GCSH: variants seen among roughly 807,000 people sequenced by gnomAD.
GCSH encodes glycine cleavage system protein H, also known as glycine cleavage system H protein, mitochondrial.
GCSH carries 15 observed loss-of-function variants against 21.3 expected under a neutral mutation model. That is an observed-to-expected ratio of 0.70 (90% CI 0.47 to 1.08). GCSH has a LOEUF of 1.08. Among genes scored for constraint, GCSH ranks in the 50% least tolerant of loss-of-function variants. GCSH has a pLI of 0.00. For synonymous variants in GCSH, 59 were observed against 84.5 expected, an observed-to-expected ratio of 0.70 and a Z score of 1.66; for missense variants, 179 against 217.5, an observed-to-expected ratio of 0.82 and a Z score of 1.11.
chr16:81,092,795 T>C (rs1303001100), intron 1 of GCSH, among the ~76,000 whole-genome samples: 1 of 151,326 alleles, frequency 6.6e-6, no homozygotes, highest in African/African-American at 2.4e-5. Context: ...GCCTGTAATC[T>C]CAACACTTTG....
At chr16:81,095,850 G>T (rs959903697) in intron 1 of GCSH, among the ~76,000 whole-genome samples, 28 of 151,666 alleles carry the variant, frequency 1.8e-4, no homozygotes, top group Non-Finnish European at 3.5e-4. Flanking sequence ...CTGCCCGCCG[G>T]ACCCGCCGGG....
chr16:81,086,412 C>G (rs1475115449), intron 3 of GCSH, among the ~76,000 whole-genome samples: 4 of 151,868 alleles, frequency 2.6e-5, no homozygotes, highest in African/African-American at 7.3e-5. Context: ...AAAAAATTAG[C>G]CTGGTGTGGT....
chr16:81,089,160 T>C (rs1972342816), intron 2 of GCSH, among the ~76,000 whole-genome samples: 1 of 152,228 alleles, frequency 6.6e-6, no homozygotes, highest in East Asian at 1.9e-4. Context: ...AGACCACATA[T>C]ATGACAGTGG....
chr16:81,094,986 G>A (rs35209121), intron 1 of GCSH, among the ~76,000 whole-genome samples: 6,542 of 151,918 alleles, frequency 0.043, 172 homozygotes, highest in Admixed American at 0.062. Context: ...CCAGCTACTC[G>A]GGAGGCTGAG....
At chr16:81,084,076 T>TTCA in intron 4 of GCSH, 1 of 313,314 alleles carries the variant, frequency 3.2e-6, no homozygotes, top group Non-Finnish European at 5.9e-6. Flanking sequence ...ACCTCCCAGG[T>TTCA]TCAAGCAATT....
At chr16:81,085,825 A>G (rs1031532345) in intron 3 of GCSH, among the ~76,000 whole-genome samples, 9 of 152,162 alleles carry the variant, frequency 5.9e-5, no homozygotes, top group African/African-American at 2.2e-4. Context: ...ATGCCATTGC[A>G]GTCCAGCCTT....
intron 2 of GCSH, among the ~76,000 whole-genome samples, chr16:81,087,991 T>C (rs1048614467): frequency 6.6e-6 from 1 of 152,126 alleles, no homozygotes; most frequent in African/African-American, 2.4e-5. Flanking sequence ...CTGGGTGTGG[T>C]GGCAGGCACT....
intron 1 of GCSH, among the ~76,000 whole-genome samples, chr16:81,093,016 T>C (rs1207966679): frequency 1.3e-5 from 2 of 151,388 alleles, no homozygotes; most frequent in African/African-American, 4.9e-5. Flanking sequence ...CCTATAATCC[T>C]AGCTACTTGG....
At position 81,082,350 on chromosome 16, in the gene GCSH, G is replaced by A. The variant is rs1362665881; in HGVS notation, c.*516C>T. 2 of 432,786 alleles carry A rather than the reference G, an allele frequency of 4.6e-6. No individual in the cohort carries two copies. Among genetic ancestry groups the A allele is most frequent in the Non-Finnish European group, 9.2e-6 (2 of 217,632 alleles). The allele number at this position is 432,786 out of a possible 1,614,324, so 26.8% of individuals were successfully genotyped here. On this transcript the variant is annotated 3_prime_UTR_variant, in exon 5 of 5. Coordinates refer to ENST00000315467, the MANE Select transcript of GCSH (RefSeq NM_004483.5). ...TAACGAAGAAGTATTTTATTATTTT[G>A]CTGCAAAGCTGTTGCTTCACTGTAT...
At chr16:81,096,389 AGGCGGTGCCGCGGG>A in exon 1 of GCSH, 1 of 875,522 alleles carries the variant, frequency 1.1e-6, no homozygotes, top group Non-Finnish European at 1.6e-6. Context: ...GGAGGCGCGG[AGGCGGTGCCGCGGG>A]GGCGGGACAG....
chr16:81,090,832 G>T, intron 1 of GCSH, 152 bp from the exon 2 acceptor site: 1 of 701,730 alleles, frequency 1.4e-6, no homozygotes, highest in Non-Finnish European at 2.6e-6. Context: ...AAAGAATGAA[G>T]ATCATGTATA....
intron 1 of GCSH, among the ~76,000 whole-genome samples, chr16:81,095,237 C>G (rs906989578): frequency 2.6e-5 from 4 of 152,150 alleles, no homozygotes; most frequent in Non-Finnish European, 5.9e-5. Context: ...AGCAAGCACA[C>G]ACATGAATGA....
rs1972310500 is a variant in GCSH, at chr16:81,087,658, A to G, written c.235T>C (p.Leu79=). The G allele has an allele frequency of 3.1e-6, 5 of 1,611,050 alleles. No individual in the cohort carries two copies. The highest frequency in any genetic ancestry group is 2.7e-5 in the African/African-American group (2 of 74,756). Residue 79 remains leucine (L), a synonymous_variant, in exon 3 of 5, where the codon TTG becomes CTG. Coordinates refer to ENST00000315467, the MANE Select transcript of GCSH (RefSeq NM_004483.5). ...VGISNFAQEA[L]GDVVYCSLPE... ...AGACTACAATAAACAACATCTCCCAACGCTTCCTAAATAAAACAAGACAAA... is the reference window on the plus strand; with the variant it reads ...AGACTACAATAAACAACATCTCCCAGCGCTTCCTAAATAAAACAAGACAAA...
chr16:81,092,315 G>C (rs1325061948), intron 1 of GCSH, among the ~76,000 whole-genome samples: 1 of 54,408 alleles, frequency 1.8e-5, no homozygotes, highest in Non-Finnish European at 7.2e-5. Flanking sequence ...CCAGGAAGTA[G>C]GCTGTGTACC....
At chr16:81,089,256 C>T (rs8043855) in intron 2 of GCSH, among the ~76,000 whole-genome samples, 126,445 of 152,134 alleles carry the variant, frequency 0.83, 53,879 homozygotes, top group South Asian at 0.96. Context: ...TTGGAATACT[C>T]GCATTATACT....
chr16:81,089,625 T>C (rs894717573), intron 2 of GCSH, among the ~76,000 whole-genome samples: 2 of 151,766 alleles, frequency 1.3e-5, no homozygotes, highest in South Asian at 2.1e-4. Flanking sequence ...TATCAGAACA[T>C]AGCTCCATCA....
rs56119129 is a variant in GCSH at position 81,084,661 on chromosome 16, C to T, written c.293-67G>A. ...GTCAGTTACTTGAAAACATAAAATA[C>T]GAAAAAGTAGATTCCTGTCATACAG... On this transcript the variant is annotated intron_variant, in intron 3 of 4. Transcript: ENST00000315467. 0.089 allele frequency: 106,875 copies of T among 1,197,290 alleles called. 5,886 individuals carry two copies. The highest frequency in any genetic ancestry group is 0.21 in the East Asian group (8,367 of 40,310). 74.2% of individuals were successfully genotyped at this position (1,197,290 alleles called of 1,614,324 possible).
intron 1 of GCSH, among the ~76,000 whole-genome samples, chr16:81,092,034 C>T (rs2151772540): frequency 6.6e-6 from 1 of 152,272 alleles, no homozygotes; most frequent in South Asian, 2.1e-4. Flanking sequence ...TATTTTGCTT[C>T]ATTCCACTTC....
intron 1 of GCSH, among the ~76,000 whole-genome samples, chr16:81,092,790 T>C (rs939934124): frequency 1.3e-5 from 2 of 151,826 alleles, no homozygotes; most frequent in Non-Finnish European, 1.5e-5. Flanking sequence ...CTCATGCCTG[T>C]AATCTCAACA....
Sources: gnomAD v4.1 joint callset for allele counts (sites outside exome capture counted in the v4.1 genomes callset) on GRCh38, gnomAD v4.1.1 for gene constraint, MANE v1.5 for transcripts, NCBI Gene and HGNC (gene_info 2026-07-23, HGNC 2026-07-21) for gene names.